KIF26B: variants seen among roughly 807,000 people sequenced by gnomAD.
KIF26B encodes kinesin family member 26B, also known as kinesin-like protein KIF26B.
KIF26B carries 63 observed loss-of-function variants against 151.2 expected under a neutral mutation model. The observed-to-expected ratio is 0.42, with a 90% confidence interval of 0.34 to 0.51. The LOEUF is 0.51. Ranked by LOEUF, KIF26B falls within the 20% of genes least tolerant of loss-of-function variation. The probability of loss-of-function intolerance (pLI) is 0.07; values close to 1 mark genes in which losing one functional copy is unlikely to be tolerated. For synonymous variants in KIF26B, 1,357 were observed against 1,262.1 expected (o/e 1.08, Z -1.59); for missense variants, 2,813 against 2,913.6 (o/e 0.97, Z 0.79).
chr1:245,368,569 G>A (rs991236811), intron 3 of KIF26B, among the ~76,000 whole-genome samples: 1 of 152,042 alleles, frequency 6.6e-6, no homozygotes, highest in Non-Finnish European at 1.5e-5. Flanking sequence ...TGCGATGTGA[G>A]GACTCAGACT....
chr1:245,582,942 C>T (rs1482384573), intron 5 of KIF26B, among the ~76,000 whole-genome samples: 3 of 152,044 alleles, frequency 2.0e-5, no homozygotes, highest in South Asian at 2.1e-4. Context: ...CCCTGCACCC[C>T]GCAAAACAAC....
intron 4 of KIF26B, among the ~76,000 whole-genome samples, chr1:245,457,555 T>G (rs1659563216): frequency 6.6e-6 from 1 of 152,344 alleles, no homozygotes; most frequent in South Asian, 2.1e-4. Context: ...GACAGAACAG[T>G]TGACACCTCT....
At chr1:245,397,058 C>A (rs1673864313) in intron 3 of KIF26B, among the ~76,000 whole-genome samples, 1 of 151,182 alleles carries the variant, frequency 6.6e-6, no homozygotes, top group South Asian at 2.1e-4. Flanking sequence ...ACCCTAGGCT[C>A]AAGCAATCCT....
intron 2 of KIF26B, among the ~76,000 whole-genome samples, chr1:245,223,039 C>T (rs140393743): frequency 6.6e-6 from 1 of 152,070 alleles, no homozygotes; most frequent in East Asian, 1.9e-4. Context: ...GGTGATTTTG[C>T]CCCCCAGGAA....
rs576288890 is a variant in KIF26B, at chr1:245,519,888, G to A, written c.1167-20879G>A. 2.6e-5 allele frequency among the ~76,000 whole-genome samples: 4 copies of A among 152,290 alleles called. No homozygotes were observed. In the South Asian group the frequency reaches 8.3e-4, roughly 32 times the overall value. On this transcript the variant is annotated intron_variant, in intron 4 of 14. Coordinates refer to ENST00000407071, the MANE Select transcript of KIF26B (RefSeq NM_018012.4). ...TTGACTGAAACGTTATACGGTGCAT[G>A]ACTGTATTTGGTTTAGCCCATGTTT...
At chr1:245,579,605 T>A (rs12091925) in intron 5 of KIF26B, among the ~76,000 whole-genome samples, 15,550 of 151,308 alleles carry the variant, frequency 0.1, 1,001 homozygotes, top group African/African-American at 0.18. Context: ...AGGTCGGGAG[T>A]TCCAGACCAG....
Position 245,698,076 on chromosome 1 carries a change from C to T in KIF26B, c.5825-30C>T. On this transcript the variant is annotated intron_variant, in intron 12 of 14. Coordinates refer to ENST00000407071, the MANE Select transcript of KIF26B (RefSeq NM_018012.4). This position sits in a 1 kb window ranked among gnomAD's most constrained non-coding sequence, Gnocchi z 4.0. The stretch of plus-strand genomic sequence containing the variant: ...ACAAAAAAATTGAAATTCAGAAAGA[C>T]TAACTCTCTGGGCTTATCCCCCTCC... 1 of 1,584,386 alleles carries T rather than the reference C, an allele frequency of 6.3e-7. No individual in the cohort carries two copies. The highest frequency in any genetic ancestry group is 8.6e-7 in the Non-Finnish European group (1 of 1,164,356).
chr1:245,259,452 C>G (rs1670594446), intron 2 of KIF26B, among the ~76,000 whole-genome samples: 1 of 152,132 alleles, frequency 6.6e-6, no homozygotes, highest in Admixed American at 6.5e-5. Context: ...ATACCCTTGT[C>G]AGATCAGTTG....
Position 245,338,123 on chromosome 1 carries a change from C to T in KIF26B, c.466-28711C>T, listed in dbSNP as rs561853063. ...GCATGGAATGAAATTAATTAACATTCGTAGTAGACGCTGAATCATCAAAAG... is the reference window on the plus strand; with the variant it reads ...GCATGGAATGAAATTAATTAACATTTGTAGTAGACGCTGAATCATCAAAAG... On this transcript the variant is annotated intron_variant, in intron 2 of 14. Transcript: ENST00000407071. 3.9e-5 allele frequency among the ~76,000 whole-genome samples: 6 copies of T among 152,274 alleles called. No homozygotes were observed. The South Asian group carries it at 8.3e-4, about 21-fold the overall frequency.
chr1:245,231,760 GA>G (rs1224868475), intron 2 of KIF26B, among the ~76,000 whole-genome samples: 3 of 150,996 alleles, frequency 2.0e-5, no homozygotes, highest in East Asian at 1.9e-4. Context: ...CACTTAAAAA[GA>G]AAAAAAAATT....
intron 2 of KIF26B, among the ~76,000 whole-genome samples, chr1:245,192,858 C>G (rs1196278842): frequency 6.6e-6 from 1 of 151,854 alleles, no homozygotes; most frequent in African/African-American, 2.4e-5. Context: ...CTAGTGTACC[C>G]ATCACCTCAA....
At chr1:245,519,775 T>C (rs1661047228) in intron 4 of KIF26B, among the ~76,000 whole-genome samples, 1 of 152,116 alleles carries the variant, frequency 6.6e-6, no homozygotes, top group South Asian at 2.1e-4. Flanking sequence ...TGGTAAGTAT[T>C]TGTGTCCCTA....
intron 2 of KIF26B, among the ~76,000 whole-genome samples, chr1:245,265,192 A>T (rs1670722890): frequency 7.2e-6 from 1 of 138,862 alleles, no homozygotes; most frequent in African/African-American, 2.7e-5. Flanking sequence ...ACACAGTGAG[A>T]CTCCATCTCA....
intron 9 of KIF26B, among the ~76,000 whole-genome samples, chr1:245,630,123 C>G (rs565843524): frequency 6.6e-6 from 1 of 152,132 alleles, no homozygotes; most frequent in Non-Finnish European, 1.5e-5. Flanking sequence ...AACGCTTTCA[C>G]ATTGTTGGTG....
chr1:245,663,659 T>C (rs1011692528), intron 10 of KIF26B, among the ~76,000 whole-genome samples: 8 of 152,226 alleles, frequency 5.3e-5, no homozygotes, highest in African/African-American at 1.9e-4. Context: ...CAGGTGCCAG[T>C]TGAGGATAGT....
intron 4 of KIF26B, among the ~76,000 whole-genome samples, chr1:245,448,741 G>A (rs1054827109): frequency 6.6e-5 from 10 of 152,098 alleles, no homozygotes; most frequent in African/African-American, 2.4e-4. Context: ...ATGTAGATTT[G>A]GGATTGGCAT....
At chr1:245,462,599 G>A (rs1257798762) in intron 4 of KIF26B, among the ~76,000 whole-genome samples, 1 of 152,124 alleles carries the variant, frequency 6.6e-6, no homozygotes. Flanking sequence ...TATTCACCGG[G>A]TACCCACCGT....
intron 2 of KIF26B, among the ~76,000 whole-genome samples, chr1:245,341,662 G>A (rs1286696441): frequency 1.3e-5 from 2 of 152,214 alleles, no homozygotes; most frequent in Non-Finnish European, 2.9e-5. Flanking sequence ...TGGGCACCTA[G>A]AGAAACTTGT....
At chr1:245,700,781 G>A (rs1488834665) in intron 14 of KIF26B, among the ~76,000 whole-genome samples, 7 of 152,208 alleles carry the variant, frequency 4.6e-5, no homozygotes, top group Admixed American at 4.6e-4. Context: ...GCGCTAATGG[G>A]GAGGGCAGAC....
Sources: gnomAD v4.1 joint callset for allele counts (sites outside exome capture counted in the v4.1 genomes callset) on GRCh38, gnomAD v4.1.1 for gene constraint, Gnocchi (gnomAD v3.1) non-coding constraint, MANE v1.5 for transcripts, NCBI Gene and HGNC (gene_info 2026-07-23, HGNC 2026-07-21) for gene names.